The following CADM2 variants were observed in gnomAD, a reference collection of about 807,000 sequenced individuals.
CADM2 encodes immunoglobulin superfamily member 4D.
A neutral mutation model predicts 49.8 loss-of-function variants in CADM2; 12 were observed. The observed-to-expected ratio is 0.24, with a 90% confidence interval of 0.15 to 0.39. The LOEUF is 0.39. CADM2 is among the 10% of genes least tolerant of loss of function. The pLI, the probability that CADM2 is intolerant of heterozygous loss-of-function variation, is 1.00. For synonymous variants in CADM2, 214 were observed against 175.4 expected (o/e 1.22, Z -1.74); for missense variants, 378 against 492.3 (o/e 0.77, Z 2.20).
intron 1 of CADM2, among the ~76,000 whole-genome samples, chr3:85,377,728 A>T (rs1490712192): frequency 1.3e-5 from 2 of 152,128 alleles, no homozygotes; most frequent in African/African-American, 4.8e-5. Context: ...ACACATTTTT[A>T]AAAGTTAAAG....
At chr3:85,329,981 C>G (rs1444922253) in intron 1 of CADM2, among the ~76,000 whole-genome samples, 1 of 152,134 alleles carries the variant, frequency 6.6e-6, no homozygotes, top group Non-Finnish European at 1.5e-5. Flanking sequence ...ATTTTATTGG[C>G]TGCTGTTTAG....
intron 1 of CADM2, among the ~76,000 whole-genome samples, chr3:85,715,587 T>C (rs2067260602): frequency 6.6e-6 from 1 of 152,166 alleles, no homozygotes; most frequent in Admixed American, 6.5e-5. Context: ...TCATGTGCCA[T>C]GGTGGTTTGC....
intron 8 of CADM2, among the ~76,000 whole-genome samples, chr3:85,970,023 G>C (rs1725929299): frequency 6.8e-6 from 1 of 146,610 alleles, no homozygotes; most frequent in Non-Finnish European, 1.5e-5. Flanking sequence ...AAACAGCCTT[G>C]ACTTCTGGAT....
In CADM2 at chr3:85,308,310, T is replaced by TACACACACACACACACAC. The variant is rs10662960; in HGVS notation, c.61+348656_61+348673dup. Among the ~76,000 whole-genome samples the TACACACACACACACACAC allele has an allele frequency of 3.4e-3, 491 of 143,598 alleles. 4 individuals are homozygous for TACACACACACACACACAC. The highest frequency in any genetic ancestry group is 0.011 in the East Asian group (55 of 4,914). 94.2% of individuals were successfully genotyped at this position (143,598 alleles called of 152,430 possible). ...ATATCTATATCTATATCTACCTCTC[T>TACACACACACACACACAC]ACACACACACACACACACACACACA... On this transcript the variant is annotated intron_variant, in intron 1 of 9. Coordinates refer to ENST00000383699, the MANE Select transcript of CADM2 (RefSeq NM_001167675.2).
At chr3:85,298,263 G>A (rs973161468) in intron 1 of CADM2, among the ~76,000 whole-genome samples, 1 of 152,002 alleles carries the variant, frequency 6.6e-6, no homozygotes, top group African/African-American at 2.4e-5. Flanking sequence ...AACACAGAGA[G>A]AGCTGTCAGT....
At position 86,070,550 on chromosome 3, in the gene CADM2, G is replaced by T. The variant is rs923316340; in HGVS notation, c.*3767G>T. On this transcript the variant is annotated 3_prime_UTR_variant, in exon 10 of 10. Transcript: ENST00000383699. ...CATGTCTTACCACAACTTTCCCATG[G>T]TATTGCTAATTACTTAGAGTCTCTA... 1 of 151,544 alleles carries T rather than the reference G, an allele frequency of 6.6e-6. No homozygotes were observed. Among genetic ancestry groups the T allele is most frequent in the African/African-American group, 2.4e-5 (1 of 41,272 alleles). The allele number at this position is 151,544 out of a possible 1,614,324, so 9.4% of individuals were successfully genotyped here.
At chr3:84,976,936 G>GT (rs1324074651) in intron 1 of CADM2, among the ~76,000 whole-genome samples, 3 of 151,782 alleles carry the variant, frequency 2.0e-5, no homozygotes, top group Non-Finnish European at 2.9e-5. Flanking sequence ...ATCTAAAGGT[G>GT]TTTTTTACTG....
intron 1 of CADM2, among the ~76,000 whole-genome samples, chr3:85,057,030 T>C (rs1436835997): frequency 2.0e-5 from 3 of 152,132 alleles, no homozygotes; most frequent in African/African-American, 7.2e-5. Flanking sequence ...GCAAGTCAGG[T>C]TGAGAATCTC....
intron 1 of CADM2, among the ~76,000 whole-genome samples, chr3:85,414,181 G>A (rs1053873941): frequency 2.0e-5 from 3 of 152,060 alleles, no homozygotes; most frequent in Admixed American, 6.6e-5. Context: ...TAATTTATTT[G>A]TGACATTAAT....
At chr3:85,805,775 G>A (rs910853282) in intron 3 of CADM2, among the ~76,000 whole-genome samples, 2 of 152,250 alleles carry the variant, frequency 1.3e-5, no homozygotes, top group East Asian at 1.9e-4. Flanking sequence ...CTAGAGTAAC[G>A]CATACTTGTT....
intron 8 of CADM2, chr3:86,014,042 C>T (rs1731887537): frequency 3.0e-6 from 4 of 1,320,856 alleles, no homozygotes; most frequent in African/African-American, 1.5e-5. Flanking sequence ...TAGAACTTGA[C>T]GATGTAATTT....
chr3:85,054,765 G>T (rs1051619290), intron 1 of CADM2, among the ~76,000 whole-genome samples: 33 of 151,930 alleles, frequency 2.2e-4, no homozygotes, highest in African/African-American at 8.0e-4. Context: ...CTTGGTGAAG[G>T]ACGTGCAAGT....
intron 1 of CADM2, among the ~76,000 whole-genome samples, chr3:85,722,897 A>G (rs1305526513): frequency 6.6e-6 from 1 of 152,150 alleles, no homozygotes; most frequent in Non-Finnish European, 1.5e-5. Context: ...ACATCTTCCA[A>G]ATAGCCAGAC....
At chr3:85,663,656 C>T (rs2065477010) in intron 1 of CADM2, among the ~76,000 whole-genome samples, 1 of 152,028 alleles carries the variant, frequency 6.6e-6, no homozygotes, top group Admixed American at 6.6e-5. Flanking sequence ...AGAGCTCTAG[C>T]AATGGCTCCT....
chr3:84,990,001 A>G (rs1284039605), intron 1 of CADM2, among the ~76,000 whole-genome samples: 1 of 151,950 alleles, frequency 6.6e-6, no homozygotes, highest in Admixed American at 6.6e-5. Flanking sequence ...TAATAAGACA[A>G]GTGATGAATA....
At chr3:85,934,661 T>G (rs560724803) in intron 6 of CADM2, among the ~76,000 whole-genome samples, 3 of 152,066 alleles carry the variant, frequency 2.0e-5, no homozygotes, top group Non-Finnish European at 4.4e-5. Context: ...ACATTTTATT[T>G]TATACTTTAT....
chr3:85,694,756 A>G (rs1000713905), intron 1 of CADM2, among the ~76,000 whole-genome samples: 6 of 152,088 alleles, frequency 3.9e-5, no homozygotes, highest in African/African-American at 1.2e-4. Flanking sequence ...CACTGAGTCA[A>G]TGGAGTGCTT....
At chr3:85,884,095 T>C (rs775587293) in intron 4 of CADM2, among the ~76,000 whole-genome samples, 49 of 152,154 alleles carry the variant, frequency 3.2e-4, no homozygotes, top group Non-Finnish European at 5.9e-4. Context: ...AAAAAAGCAA[T>C]ACATTCATAG....
chr3:85,879,220 G>A (rs963980913), intron 3 of CADM2, among the ~76,000 whole-genome samples: 2 of 151,888 alleles, frequency 1.3e-5, no homozygotes, highest in Non-Finnish European at 2.9e-5. Flanking sequence ...CTATATCATG[G>A]CATGTAGGAG....
Sources: allele counts gnomAD v4.1 joint callset (sites outside exome capture counted in the v4.1 genomes callset), GRCh38; gene constraint gnomAD v4.1.1; transcripts MANE v1.5; gene names NCBI Gene and HGNC (gene_info 2026-07-23, HGNC 2026-07-21).